The following SPATA16 variants were observed in gnomAD, a reference collection of about 807,000 sequenced individuals.
SPATA16 encodes the protein spermatogenesis associated 16, also known as spermatogenesis-associated protein 16.
A neutral mutation model predicts 63.3 loss-of-function variants in SPATA16; 36 were observed. The ratio of observed to expected loss-of-function variants is 0.57; its 90% CI spans 0.44 to 0.75. The LOEUF (loss-of-function observed/expected upper bound fraction) is 0.75, where lower values mean the gene tolerates loss of function less well. Ranked by LOEUF, SPATA16 falls within the 30% of genes least tolerant of loss-of-function variation. The probability of loss-of-function intolerance (pLI) is 0.00; values close to 1 mark genes in which losing one functional copy is unlikely to be tolerated. For missense variants in SPATA16, 646 were observed against 679.3 expected, an observed-to-expected ratio of 0.95 and a Z score of 0.54; for synonymous variants, 203 against 216.7, an observed-to-expected ratio of 0.94 and a Z score of 0.56.
At chr3:172,906,523 T>C (rs1732241252) in intron 10 of SPATA16, among the ~76,000 whole-genome samples, 1 of 152,130 alleles carries the variant, frequency 6.6e-6, no homozygotes, top group Non-Finnish European at 1.5e-5. Context: ...CAAATTCCAC[T>C]TTGGTTGGAG....
At chr3:173,019,676 A>G (rs1379247570) in intron 3 of SPATA16, 101 bp from the exon 4 acceptor site, 4 of 1,099,502 alleles carry the variant, frequency 3.6e-6, no homozygotes, top group Admixed American at 3.6e-5. Context: ...TTTATATACT[A>G]TGTGTTTTTA....
intron 3 of SPATA16, among the ~76,000 whole-genome samples, chr3:173,039,889 G>A (rs1390379581): frequency 2.0e-5 from 3 of 152,102 alleles, no homozygotes; most frequent in Admixed American, 2.0e-4. Flanking sequence ...TTAAAAGGTG[G>A]TGAGTGTATT....
intron 2 of SPATA16, among the ~76,000 whole-genome samples, chr3:173,079,866 T>C (rs1221981181): frequency 6.6e-6 from 1 of 152,188 alleles, no homozygotes; most frequent in East Asian, 1.9e-4. Context: ...TTTTTTTATT[T>C]TTAAAAATGT....
chr3:172,945,613 G>A (rs1733264778), intron 6 of SPATA16, among the ~76,000 whole-genome samples: 1 of 152,154 alleles, frequency 6.6e-6, no homozygotes. Flanking sequence ...ACTTTGTATT[G>A]GAACTCAGTG....
At chr3:172,961,006 C>T (rs1733752350) in intron 5 of SPATA16, among the ~76,000 whole-genome samples, 3 of 117,646 alleles carry the variant, frequency 2.6e-5, no homozygotes, top group South Asian at 5.8e-4. Flanking sequence ...CTTTCTCTTT[C>T]TTTCTTTCTT....
chr3:172,933,195 A>G (rs931885301), intron 6 of SPATA16, among the ~76,000 whole-genome samples: 16 of 152,196 alleles, frequency 1.1e-4, no homozygotes, highest in Non-Finnish European at 1.5e-5. Context: ...TGTTTATTAG[A>G]CTCACATCAT....
chr3:173,128,494 C>T lies in SPATA16; in HGVS notation c.-18-10745G>A, dbSNP rs111444637. 6.0e-3 allele frequency among the ~76,000 whole-genome samples: 909 copies of T among 152,162 alleles called. 12 individuals carry two copies. Among genetic ancestry groups the T allele is most frequent in the African/African-American group, 0.021 (861 of 41,494 alleles). On this transcript the variant is annotated intron_variant, in intron 1 of 10. Coordinates refer to ENST00000351008, the MANE Select transcript of SPATA16 (RefSeq NM_031955.6). ...CCTGAAGCCTTCTAGGTTCCAGGCC[C>T]CACAGATTTTGATTCAGCATGTCTG...
chr3:173,021,538 A>G (rs1560098973), intron 3 of SPATA16, among the ~76,000 whole-genome samples: 1 of 152,164 alleles, frequency 6.6e-6, no homozygotes, highest in Non-Finnish European at 1.5e-5. Flanking sequence ...AATATTTACC[A>G]TGAATATTTT....
At chr3:172,971,605 C>T (rs1247761457) in intron 5 of SPATA16, among the ~76,000 whole-genome samples, 1 of 152,126 alleles carries the variant, frequency 6.6e-6, no homozygotes, top group Admixed American at 6.6e-5. Context: ...CCTGTATCTC[C>T]AACATGTAGC....
At chr3:173,031,395 G>A (rs938338337) in intron 3 of SPATA16, among the ~76,000 whole-genome samples, 1 of 148,796 alleles carries the variant, frequency 6.7e-6, no homozygotes, top group Admixed American at 6.6e-5. Flanking sequence ...TTTGCTGGTA[G>A]CTAATGAAAA....
In SPATA16 at chr3:172,988,891, G is replaced by A. The variant is rs1436508738; in HGVS notation, c.849-11839C>T. Among the ~76,000 whole-genome samples, 48 of 152,138 alleles carry A rather than the reference G, an allele frequency of 3.2e-4. 1 individual carries two copies. The highest frequency in any genetic ancestry group is 2.8e-3 in the Admixed American group (43 of 15,280). ...GACCCCAGGTGATCCACCTGGCTCCGCTTCCCAAAGTGCTGAGATTATAGG... is the reference window on the plus strand; with the variant it reads ...GACCCCAGGTGATCCACCTGGCTCCACTTCCCAAAGTGCTGAGATTATAGG... On this transcript the variant is annotated intron_variant, in intron 4 of 10. Coordinates refer to ENST00000351008, the MANE Select transcript of SPATA16 (RefSeq NM_031955.6).
intron 2 of SPATA16, among the ~76,000 whole-genome samples, chr3:173,064,611 G>T (rs529755043): frequency 6.6e-6 from 1 of 152,288 alleles, no homozygotes; most frequent in African/African-American, 2.4e-5. Context: ...CTAGCTCTAG[G>T]ATGGAGTTAA....
At chr3:173,048,233 C>A (rs1736000590) in intron 3 of SPATA16, among the ~76,000 whole-genome samples, 1 of 152,014 alleles carries the variant, frequency 6.6e-6, no homozygotes, top group Admixed American at 6.6e-5. Context: ...AGAGACATCA[C>A]AATTTCAAGG....
chr3:172,989,401 G>A (rs780308522), intron 4 of SPATA16, among the ~76,000 whole-genome samples: 16 of 152,160 alleles, frequency 1.1e-4, no homozygotes, highest in Non-Finnish European at 1.6e-4. Context: ...TCATTGGAAG[G>A]TGAAGGCATT....
intron 2 of SPATA16, among the ~76,000 whole-genome samples, chr3:173,065,234 A>G (rs1201776991): frequency 6.6e-6 from 1 of 151,838 alleles, no homozygotes; most frequent in Non-Finnish European, 1.5e-5. Flanking sequence ...TTATTTGACA[A>G]CAGAATCCCC....
At chr3:172,979,033 C>T (rs574675332) in intron 4 of SPATA16, among the ~76,000 whole-genome samples, 3 of 152,086 alleles carry the variant, frequency 2.0e-5, no homozygotes, top group Non-Finnish European at 4.4e-5. Flanking sequence ...GTCAGGAGAT[C>T]GAGACCATCC....
chr3:173,042,212 T>C (rs1000232885), intron 3 of SPATA16, among the ~76,000 whole-genome samples: 3 of 152,158 alleles, frequency 2.0e-5, no homozygotes, highest in Admixed American at 6.6e-5. Context: ...AAGGGTATTT[T>C]ATTTATTAAT....
At chr3:173,013,049 A>C (rs1246259642) in intron 4 of SPATA16, among the ~76,000 whole-genome samples, 1 of 152,188 alleles carries the variant, frequency 6.6e-6, no homozygotes, top group East Asian at 1.9e-4. Flanking sequence ...AGAATTTATA[A>C]GGAACTTAAG....
chr3:173,045,241 T>C (rs1165321710), intron 3 of SPATA16, among the ~76,000 whole-genome samples: 9 of 152,088 alleles, frequency 5.9e-5, no homozygotes, highest in Non-Finnish European at 1.3e-4. Context: ...CTCGGCCTCT[T>C]CAGTTTGGTG....
Sources: allele counts gnomAD v4.1 joint callset (sites outside exome capture counted in the v4.1 genomes callset), GRCh38; gene constraint gnomAD v4.1.1; transcripts MANE v1.5; gene names NCBI Gene and HGNC (gene_info 2026-07-23, HGNC 2026-07-21).